NIBAN2: variants seen among roughly 807,000 people sequenced by gnomAD.
The protein encoded by NIBAN2 is niban apoptosis regulator 2.
NIBAN2 carries 36 observed loss-of-function variants against 81.8 expected under a neutral mutation model. The ratio of observed to expected loss-of-function variants is 0.44; its 90% CI spans 0.34 to 0.58. The LOEUF (loss-of-function observed/expected upper bound fraction) is 0.58, where lower values mean the gene tolerates loss of function less well. Ranked by LOEUF, NIBAN2 falls within the 20% of genes least tolerant of loss-of-function variation. The probability of loss-of-function intolerance (pLI) is 0.02; values close to 1 mark genes in which losing one functional copy is unlikely to be tolerated. For synonymous variants in NIBAN2, 445 were observed against 441.6 expected (o/e 1.01, Z -0.10); for missense variants, 897 against 1,014.1 (o/e 0.88, Z 1.57).
intron 1 of NIBAN2, among the ~76,000 whole-genome samples, chr9:127,554,703 G>A (rs1180013283): frequency 6.6e-6 from 1 of 151,838 alleles, no homozygotes; most frequent in Non-Finnish European, 1.5e-5. Flanking sequence ...TGGGACCACA[G>A]GTGTGCAACC....
chr9:127,565,519 G>A (rs1002536633), intron 1 of NIBAN2, among the ~76,000 whole-genome samples: 10 of 152,154 alleles, frequency 6.6e-5, no homozygotes, highest in Middle Eastern at 3.4e-3. Context: ...TTGGCTGGGC[G>A]TGGTGGCTCA....
chr9:127,531,599 C>A, intron 2 of NIBAN2, 49 bp downstream of exon 2: 1 of 1,584,716 alleles, frequency 6.3e-7, no homozygotes, highest in Non-Finnish European at 8.6e-7. Flanking sequence ...CCCGAGGCCA[C>A]ATGGCGAGAA....
rs74814534 is a variant in NIBAN2 at position 127,517,532 on chromosome 9, T to G, written c.705+294A>C. On this transcript the variant is annotated intron_variant, in intron 6 of 13. Coordinates refer to ENST00000373312, the MANE Select transcript of NIBAN2 (RefSeq NM_022833.4). The surrounding 1 kb of genome is among the most constrained non-coding windows in gnomAD (Gnocchi z 4.0). ...GAAGTGTACATTTATTTGCCAAATG[T>G]CTGTTTCTCCTGCTATACGGAGAGC... 2.1e-3 allele frequency among the ~76,000 whole-genome samples: 327 copies of G among 152,302 alleles called. 3 individuals carry two copies. The East Asian group carries it at 0.042, about 20-fold the overall frequency.
chr9:127,534,777 A>G (rs1397315863), intron 1 of NIBAN2, among the ~76,000 whole-genome samples: 3 of 152,184 alleles, frequency 2.0e-5, no homozygotes, highest in African/African-American at 7.2e-5. Flanking sequence ...ATAAACAACC[A>G]GAACTCTCTC....
In NIBAN2 at chr9:127,505,771, C is replaced by G. The variant is rs926123066; in HGVS notation, c.*1074G>C. On this transcript the variant is annotated 3_prime_UTR_variant, in exon 14 of 14. Coordinates refer to ENST00000373312, the MANE Select transcript of NIBAN2 (RefSeq NM_022833.4). ...GCTGAGGAGGGACGACAGCCAGGCC[C>G]AGAGTGACTCACAAGGACATCCAAA... 2.6e-5 allele frequency: 4 copies of G among 152,496 alleles called. No individual in the cohort carries two copies. Among genetic ancestry groups the G allele is most frequent in the Non-Finnish European group, 5.9e-5 (4 of 68,292 alleles). 9.4% of individuals were successfully genotyped at this position (152,496 alleles called of 1,614,324 possible).
At chr9:127,512,551 T>G (rs1836757076) in intron 8 of NIBAN2, among the ~76,000 whole-genome samples, 1 of 152,112 alleles carries the variant, frequency 6.6e-6, no homozygotes, top group South Asian at 2.1e-4. Flanking sequence ...CCTCCCAGAG[T>G]GCTGGGATTA....
rs1384221935 is a variant in NIBAN2, at chr9:127,528,116, T to C, written c.187-794A>G. Among the ~76,000 whole-genome samples the C allele has an allele frequency of 3.3e-5, 5 of 152,208 alleles. No individual in the cohort carries two copies. The South Asian group carries it at 6.2e-4, about 19-fold the overall frequency. ...TGGCACCTGACAGGCAGGTGCATAA[T>C]GCACAGGACCGCCATGACCACTACG... On this transcript the variant is annotated intron_variant, in intron 2 of 13. Coordinates refer to ENST00000373312, the MANE Select transcript of NIBAN2 (RefSeq NM_022833.4).
At position 127,532,857 on chromosome 9, in the gene NIBAN2, A is replaced by C. The variant is rs566109346; in HGVS notation, c.56-1079T>G. 2.0e-5 allele frequency among the ~76,000 whole-genome samples: 3 copies of C among 152,160 alleles called. 1 individual carries two copies. The East Asian group carries it at 5.8e-4, about 29-fold the overall frequency. On this transcript the variant is annotated intron_variant, in intron 1 of 13. Transcript: ENST00000373312. ...AGACCAGCCTGAGCAACACAGCAAG[A>C]CCTCATCCCTACAAAAAAATACAAA...
intron 3 of NIBAN2, among the ~76,000 whole-genome samples, chr9:127,526,140 G>A (rs1837058263): frequency 1.3e-5 from 2 of 152,028 alleles, no homozygotes; most frequent in South Asian, 2.1e-4. Context: ...AGTGGCTCAC[G>A]CCTGTAATCG....
intron 8 of NIBAN2, among the ~76,000 whole-genome samples, chr9:127,515,544 C>CA (rs1836813851): frequency 4.8e-5 from 1 of 21,024 alleles, no homozygotes; most frequent in East Asian, 5.5e-4. Flanking sequence ...AAAAAACAAA[C>CA]AAAAAAAACA....
chr9:127,577,313 C>T (rs1368567450), intron 1 of NIBAN2, among the ~76,000 whole-genome samples: 1 of 151,908 alleles, frequency 6.6e-6, no homozygotes, highest in Admixed American at 6.6e-5. Context: ...GTCCACCCTC[C>T]CCCCAAAAAA....
chr9:127,535,849 T>C, intron 1 of NIBAN2, among the ~76,000 whole-genome samples: 1 of 151,084 alleles, frequency 6.6e-6, no homozygotes, highest in African/African-American at 2.4e-5. Flanking sequence ...GGAGGAATAG[T>C]GGGGGTTTGG....
Position 127,507,981 on chromosome 9 carries a change from G to A in NIBAN2, c.1543-3C>T, listed in dbSNP as rs199700640. Reference sequence around the variant, plus strand: ...AGCTCCTGGAACCGGGGCAGCTCCTGCCCGGGTGGGGCGGCAGAGATGAGA... The same window carrying A: ...AGCTCCTGGAACCGGGGCAGCTCCTACCCGGGTGGGGCGGCAGAGATGAGA... On this transcript the variant is annotated splice_region_variant and splice_polypyrimidine_tract_variant and intron_variant, in intron 12 of 13. Coordinates refer to ENST00000373312, the MANE Select transcript of NIBAN2 (RefSeq NM_022833.4). The surrounding 1 kb of genome is among the most constrained non-coding windows in gnomAD (Gnocchi z 6.8). 23 of 1,614,044 alleles carry A rather than the reference G, an allele frequency of 1.4e-5. No homozygotes were observed. The highest frequency in any genetic ancestry group is 1.9e-5 in the Non-Finnish European group (23 of 1,179,964).
rs780617755 is a variant in NIBAN2, at chr9:127,536,044, C to T, written c.56-4266G>A. On this transcript the variant is annotated intron_variant, in intron 1 of 13. Transcript: ENST00000373312. The surrounding 1 kb of genome is among the most constrained non-coding windows in gnomAD (Gnocchi z 4.0). ...CCGCTCAGAAGAAGGGTGGCGACCACGGGAGAGCTAGAAAGGGAGGACCAT... is the reference window on the plus strand; with the variant it reads ...CCGCTCAGAAGAAGGGTGGCGACCATGGGAGAGCTAGAAAGGGAGGACCAT... 6.6e-6 allele frequency among the ~76,000 whole-genome samples: 1 copy of T among 152,044 alleles called. No individual in the cohort carries two copies. The highest frequency in any genetic ancestry group is 1.5e-5 in the Non-Finnish European group (1 of 68,020).
intron 1 of NIBAN2, among the ~76,000 whole-genome samples, chr9:127,575,282 G>T (rs1296624996): frequency 6.7e-6 from 1 of 149,994 alleles, no homozygotes; most frequent in African/African-American, 2.5e-5. Flanking sequence ...AGGCTGGAGT[G>T]CAGTGGTGCG....
At chr9:127,514,735 C>A (rs776500386) in intron 8 of NIBAN2, among the ~76,000 whole-genome samples, 17 of 152,334 alleles carry the variant, frequency 1.1e-4, no homozygotes, top group Non-Finnish European at 1.9e-4. Flanking sequence ...CTGACCAAAG[C>A]ATTTTCACTC....
At position 127,518,030 on chromosome 9, in the gene NIBAN2, C is replaced by A. The variant is rs947865852; in HGVS notation, c.590-89G>T. On this transcript the variant is annotated intron_variant, in intron 5 of 13. Coordinates refer to ENST00000373312, the MANE Select transcript of NIBAN2 (RefSeq NM_022833.4). ...ACTGAGAACTGACCAAAACCCCCCC[C>A]ACACACATGGCATGCACCTCAGGAG... 4.4e-5 allele frequency: 33 copies of A among 749,620 alleles called. No homozygotes were observed. The East Asian group carries it at 6.7e-4, about 15-fold the overall frequency. 46.4% of individuals were successfully genotyped at this position (749,620 alleles called of 1,614,324 possible).
chr9:127,507,142 G>T lies in NIBAN2; in HGVS notation c.1944C>A (p.Asp648Glu), dbSNP rs769862019. 3 of 1,604,298 alleles carry T rather than the reference G, an allele frequency of 1.9e-6. No homozygotes were observed. Among genetic ancestry groups the T allele is most frequent in the African/African-American group, 2.7e-5 (2 of 74,780 alleles). ...SPESPPPASP[D>E]GVTEIRGLLA... ...GCAGGCCTCGGATCTCAGTGACACC[G>T]TCCGGGGACGCAGGTGGTGGTGACT... is the stretch of plus-strand genomic sequence containing the variant. The change falls in exon 14 of 14, where the codon GAC (aspartate) becomes GAA (glutamate). Residue 648 changes from aspartate to glutamate, a missense_variant. Transcript: ENST00000373312. This position sits in a 1 kb window ranked among gnomAD's most constrained non-coding sequence, Gnocchi z 6.8.
chr9:127,529,541 G>T (rs553337142), intron 2 of NIBAN2, among the ~76,000 whole-genome samples: 5 of 152,328 alleles, frequency 3.3e-5, no homozygotes, highest in Admixed American at 3.3e-4. Context: ...TGGGGAAGCT[G>T]AGGTATGAGA....
Sources: allele counts gnomAD v4.1 joint callset (sites outside exome capture counted in the v4.1 genomes callset), GRCh38; gene constraint gnomAD v4.1.1; non-coding constraint Gnocchi (gnomAD v3.1); transcripts MANE v1.5; gene names NCBI Gene and HGNC (gene_info 2026-07-23, HGNC 2026-07-21).